Variants in UGT1A8 observed in about 807,000 individuals in gnomAD.
UGT1A8 encodes the protein UDP glucuronosyltransferase family 1 member A8, also known as UDP-glucuronosyltransferase 1A8.
UGT1A8 carries 39 observed loss-of-function variants against 45.3 expected under a neutral mutation model. That is an observed-to-expected ratio of 0.86 (90% CI 0.67 to 1.12). The LOEUF (loss-of-function observed/expected upper bound fraction) is 1.12, where lower values mean the gene tolerates loss of function less well. Ranked by LOEUF, UGT1A8 falls within the 50% of genes most tolerant of loss-of-function variation. The probability of loss-of-function intolerance (pLI) is 0.00; values close to 1 mark genes in which losing one functional copy is unlikely to be tolerated. For missense variants in UGT1A8, 719 were observed against 664.9 expected, an observed-to-expected ratio of 1.08 and a Z score of -0.90; for synonymous variants, 275 against 249.2, an observed-to-expected ratio of 1.10 and a Z score of -0.97.
chr2:233,770,514 C>T (rs191930447), intron 4 of UGT1A8: 1 of 152,136 alleles, frequency 6.6e-6, no homozygotes, highest in Non-Finnish European at 1.5e-5. Flanking sequence ...AAAAATTACC[C>T]AGGCATGGTG....
chr2:233,713,751 G>C, intron 1 of UGT1A8: 1 of 1,613,962 alleles, frequency 6.2e-7, no homozygotes, highest in South Asian at 1.1e-5. Flanking sequence ...CCATGCATCT[G>C]TGTGGCTGTT....
intron 1 of UGT1A8, among the ~76,000 whole-genome samples, chr2:233,766,091 G>A (rs558812390): frequency 4.6e-5 from 7 of 152,254 alleles, no homozygotes; most frequent in African/African-American, 1.7e-4. Flanking sequence ...AAGGACAGAG[G>A]GCTTTCTGTA....
At chr2:233,730,719 C>T (rs141253229) in intron 1 of UGT1A8, among the ~76,000 whole-genome samples, 4 of 152,168 alleles carry the variant, frequency 2.6e-5, no homozygotes, top group Non-Finnish European at 4.4e-5. Flanking sequence ...CTGAAATTAT[C>T]AAGAAATGGC....
chr2:233,754,653 C>A, intron 1 of UGT1A8: 1 of 456,442 alleles, frequency 2.2e-6, no homozygotes, highest in Non-Finnish European at 4.4e-6. Flanking sequence ...CTCAATGATT[C>A]TCTTGGTGGT....
intron 1 of UGT1A8, among the ~76,000 whole-genome samples, chr2:233,711,138 C>G (rs1200151642): frequency 1.3e-5 from 2 of 152,230 alleles, no homozygotes; most frequent in Non-Finnish European, 2.9e-5. Flanking sequence ...AAGCTGATGC[C>G]TTGGGCTGCT....
At chr2:233,646,357 T>A (rs1190595416) in intron 1 of UGT1A8, among the ~76,000 whole-genome samples, 1 of 152,236 alleles carries the variant, frequency 6.6e-6, no homozygotes, top group Non-Finnish European at 1.5e-5. Flanking sequence ...ATTCGGCTCC[T>A]CATTACTTAT....
At chr2:233,635,348 G>C (rs1233351064) in intron 1 of UGT1A8, among the ~76,000 whole-genome samples, 2 of 150,852 alleles carry the variant, frequency 1.3e-5, no homozygotes, top group Non-Finnish European at 2.9e-5. Context: ...ATGTTGGCCT[G>C]TCTTGCTAGG....
chr2:233,757,867 T>C (rs1324450785), intron 1 of UGT1A8, among the ~76,000 whole-genome samples: 1 of 151,950 alleles, frequency 6.6e-6, no homozygotes. Context: ...AAAAAGAAAG[T>C]AGCTTCAAAA....
At chr2:233,733,970 C>T (rs1298818177) in intron 1 of UGT1A8, among the ~76,000 whole-genome samples, 52 of 151,482 alleles carry the variant, frequency 3.4e-4, no homozygotes, top group East Asian at 9.7e-4. Flanking sequence ...GTAGGGGGAG[C>T]GGGGAGGGAT....
chr2:233,680,086 T>TGG (rs1014894946), intron 1 of UGT1A8, among the ~76,000 whole-genome samples: 4 of 152,164 alleles, frequency 2.6e-5, no homozygotes, highest in African/African-American at 9.7e-5. Flanking sequence ...GATTTTGAAA[T>TGG]GGCAGGCAAT....
chr2:233,738,316 T>C (rs1483940334), intron 1 of UGT1A8, among the ~76,000 whole-genome samples: 4 of 152,176 alleles, frequency 2.6e-5, no homozygotes, highest in African/African-American at 7.2e-5. Context: ...TAGCAGTGTG[T>C]GAATGGACTA....
rs561230323 is a variant in UGT1A8, at chr2:233,626,238, T to C, written c.855+7676T>C. 1.3e-4 allele frequency among the ~76,000 whole-genome samples: 20 copies of C among 152,210 alleles called. No homozygotes were observed. In the East Asian group the frequency reaches 3.3e-3, roughly 25 times the overall value. Reference sequence around the variant, plus strand: ...TTTCAGTGCCCATAAGGGTTCATGTTGTAATAGAAGTCAATAGCAGTCTTA... The same window carrying C: ...TTTCAGTGCCCATAAGGGTTCATGTCGTAATAGAAGTCAATAGCAGTCTTA... On this transcript the variant is annotated intron_variant, in intron 1 of 4. Coordinates refer to ENST00000373450, the MANE Select transcript of UGT1A8 (RefSeq NM_019076.5).
At chr2:233,640,168 A>G (rs2741034) in intron 1 of UGT1A8, among the ~76,000 whole-genome samples, 34,060 of 152,114 alleles carry the variant, frequency 0.22, 4,756 homozygotes, top group South Asian at 0.38. Context: ...CCTCCCACTA[A>G]AATTGTTTAC....
chr2:233,692,879 C>G, intron 1 of UGT1A8: 1 of 1,498,994 alleles, frequency 6.7e-7, no homozygotes, highest in African/African-American at 1.4e-5. Flanking sequence ...GGGTAAAATT[C>G]AGAGCAAGGG....
chr2:233,648,903 C>T lies in UGT1A8; in HGVS notation c.855+30341C>T. On this transcript the variant is annotated intron_variant, in intron 1 of 4. Coordinates refer to ENST00000373450, the MANE Select transcript of UGT1A8 (RefSeq NM_019076.5). ...AAACACCTGTCATGGCATATGATCT[C>T]TACAGCCACACATCAATTTGGTTGC... 3.7e-6 allele frequency: 5 copies of T among 1,341,432 alleles called. No homozygotes were observed. The South Asian group carries it at 4.7e-5, about 12-fold the overall frequency. The allele number at this position is 1,341,432 out of a possible 1,614,324, so 83.1% of individuals were successfully genotyped here. A position where few individuals can be genotyped will look rare whatever the true frequency, so the allele number is the denominator to read the frequency against.
At chr2:233,705,332 C>T (rs2075841710) in intron 1 of UGT1A8, among the ~76,000 whole-genome samples, 1 of 152,172 alleles carries the variant, frequency 6.6e-6, no homozygotes, top group Admixed American at 6.5e-5. Context: ...AACACATTCT[C>T]TCAATTTTTG....
rs375157090 is a variant in UGT1A8 at position 233,673,244 on chromosome 2, T to A, written c.855+54682T>A. ...ATCTAGTATTGGGCTGGACATATTC[T>A]TCTTTTCTTTGCATTTTTCACTTGC... On this transcript the variant is annotated intron_variant, in intron 1 of 4. Coordinates refer to ENST00000373450, the MANE Select transcript of UGT1A8 (RefSeq NM_019076.5). Among the ~76,000 whole-genome samples the A allele has an allele frequency of 2.8e-4, 43 of 152,330 alleles. 1 individual carries two copies. Among genetic ancestry groups the A allele is most frequent in the African/African-American group, 9.4e-4 (39 of 41,594 alleles).
Position 233,638,893 on chromosome 2 carries a change from C to T in UGT1A8, c.855+20331C>T, listed in dbSNP as rs187845862. Among the ~76,000 whole-genome samples, 12 of 152,310 alleles carry T rather than the reference C, an allele frequency of 7.9e-5. 1 individual carries two copies. The highest frequency in any genetic ancestry group is 2.6e-4 in the African/African-American group (11 of 41,570). The stretch of plus-strand genomic sequence containing the variant: ...ACTTTCAGCTCATGGCAAGACCAGG[C>T]GAGGAGATGCAAGTTGCAGGACTCT... On this transcript the variant is annotated intron_variant, in intron 1 of 4. Coordinates refer to ENST00000373450, the MANE Select transcript of UGT1A8 (RefSeq NM_019076.5).
intron 1 of UGT1A8, chr2:233,671,936 T>G: frequency 1.9e-6 from 3 of 1,605,090 alleles, no homozygotes; most frequent in South Asian, 2.2e-5. Context: ...AGTTCTCTGA[T>G]GGCTTGCACA....
Sources: gnomAD v4.1 joint callset for allele counts (sites outside exome capture counted in the v4.1 genomes callset) on GRCh38, gnomAD v4.1.1 for gene constraint, MANE v1.5 for transcripts, NCBI Gene and HGNC (gene_info 2026-07-23, HGNC 2026-07-21) for gene names.